ZFHX4: variants seen among roughly 807,000 people sequenced by gnomAD.
ZFHX4 encodes the protein zinc finger homeobox protein 4.
ZFHX4 carries 56 observed loss-of-function variants against 267.6 expected under a neutral mutation model. The observed-to-expected ratio is 0.21, with a 90% CI of 0.17 to 0.26. The LOEUF (loss-of-function observed/expected upper bound fraction) is 0.26. Among genes scored for constraint, ZFHX4 ranks in the 10% least tolerant of loss-of-function variants. ZFHX4 has a pLI of 1.00. For missense variants in ZFHX4, 4,332 were observed against 4,420.0 expected, an observed-to-expected ratio of 0.98 and a Z score of 0.56; for synonymous variants, 1,778 against 1,665.6, an observed-to-expected ratio of 1.07 and a Z score of -1.64.
At chr8:76,831,824 G>A (rs970056592) in intron 4 of ZFHX4, among the ~76,000 whole-genome samples, 4 of 152,200 alleles carry the variant, frequency 2.6e-5, no homozygotes, top group African/African-American at 9.6e-5. Context: ...AAAGAACCAC[G>A]TTAATCAAGG....
At position 76,852,006 on chromosome 8, in the gene ZFHX4, G is replaced by T. The variant is rs1024357788; in HGVS notation, c.5085G>T (p.Gln1695His). The change falls in exon 10 of 11, where the codon CAG becomes CAT. Residue 1695 changes from glutamine to histidine, a missense_variant. Physicochemically the swap from Gln to His is conservative, Grantham distance 24. Coordinates refer to ENST00000651372, the MANE Select transcript of ZFHX4 (RefSeq NM_024721.5). ...HHPPQSPAQI[Q>H]MQLQHELQQQ... ...CACCACAGTCACCAGCACAAATTCA[G>T]ATGCAACTACAGCACGAATTACAAC... 7 of 1,613,822 alleles carry T rather than the reference G, an allele frequency of 4.3e-6. No individual in the cohort carries two copies. The African/African-American group carries it at 9.3e-5, about 22-fold the overall frequency.
chr8:76,708,809 T>C (rs887242287), intron 3 of ZFHX4, among the ~76,000 whole-genome samples: 7 of 151,168 alleles, frequency 4.6e-5, no homozygotes, highest in African/African-American at 1.7e-4. Context: ...GATTAATATA[T>C]TTTCTGCAGT....
chr8:76,824,885 A>C (rs1169142348), intron 4 of ZFHX4, among the ~76,000 whole-genome samples: 1 of 152,120 alleles, frequency 6.6e-6, no homozygotes, highest in Non-Finnish European at 1.5e-5. Context: ...GATTTTTGTA[A>C]AACGCCAAGC....
intron 1 of ZFHX4, among the ~76,000 whole-genome samples, chr8:76,688,736 T>C (rs1234486108): frequency 6.6e-6 from 1 of 152,130 alleles, no homozygotes; most frequent in Non-Finnish European, 1.5e-5. Flanking sequence ...GTGCAGATAA[T>C]TATTTATATG....
intron 4 of ZFHX4, among the ~76,000 whole-genome samples, chr8:76,811,970 A>G (rs1811390196): frequency 6.6e-6 from 1 of 152,230 alleles, no homozygotes; most frequent in African/African-American, 2.4e-5. Flanking sequence ...TTCCTTGTAG[A>G]TTATAAGAAA....
At position 76,681,348 on chromosome 8, in the gene ZFHX4, T is replaced by A; in HGVS notation, c.-319T>A. 2.5e-6 allele frequency: 1 copy of A among 398,912 alleles called. No homozygotes were observed. Among genetic ancestry groups the A allele is most frequent in the East Asian group, 3.6e-5 (1 of 28,054 alleles). The allele number at this position is 398,912 out of a possible 1,614,324, so 24.7% of individuals were successfully genotyped here. ...AGACATATCGGATTTTCATTTCCTT[T>A]CCTCCTTTTCCCAACCCCTTCACAA... is the stretch of plus-strand genomic sequence containing the variant. On this transcript the variant is annotated 5_prime_UTR_variant, in exon 1 of 11. Transcript: ENST00000651372.
At chr8:76,821,414 C>CA (rs1811645034) in intron 4 of ZFHX4, among the ~76,000 whole-genome samples, 1 of 152,162 alleles carries the variant, frequency 6.6e-6, no homozygotes, top group African/African-American at 2.4e-5. Context: ...AAAGAAGCTC[C>CA]AATCAGGGAC....
chr8:76,780,015 G>T (rs2131777118), intron 4 of ZFHX4, among the ~76,000 whole-genome samples: 1 of 151,110 alleles, frequency 6.6e-6, no homozygotes, highest in Non-Finnish European at 1.5e-5. Flanking sequence ...TAAGCAAAAA[G>T]ATATGTTCAA....
At chr8:76,835,593 G>A (rs938550705) in intron 5 of ZFHX4, among the ~76,000 whole-genome samples, 9 of 151,750 alleles carry the variant, frequency 5.9e-5, no homozygotes, top group African/African-American at 9.7e-5. Flanking sequence ...TTAAGTTTAC[G>A]TTTACCTATG....
Position 76,852,122 on chromosome 8 carries a change from A to G in ZFHX4, c.5201A>G (p.Gln1734Arg), listed in dbSNP as rs1586010975. The change falls in exon 10 of 11, where the codon CAG (glutamine) becomes CGG (arginine). Residue 1734 changes from glutamine to arginine, a missense_variant. By Grantham distance (43) the Gln-to-Arg change is conservative. Coordinates refer to ENST00000651372, the MANE Select transcript of ZFHX4 (RefSeq NM_024721.5). ...MTPEALLQFQ[Q>R]PQFLFPFYIP... ...CCAGAAGCACTGCTGCAGTTTCAGC[A>G]GCCTCAGTTTCTCTTTCCATTTTAT... 1 of 1,613,942 alleles carries G rather than the reference A, an allele frequency of 6.2e-7. No individual in the cohort carries two copies. Among genetic ancestry groups the G allele is most frequent in the Non-Finnish European group, 8.5e-7 (1 of 1,179,874 alleles).
chr8:76,832,412 A>G (rs1163865386), intron 4 of ZFHX4, among the ~76,000 whole-genome samples: 1 of 152,160 alleles, frequency 6.6e-6, no homozygotes, highest in Non-Finnish European at 1.5e-5. Context: ...TAATTCACCC[A>G]TACCTAGAAG....
At chr8:76,822,845 A>G (rs1811689591) in intron 4 of ZFHX4, among the ~76,000 whole-genome samples, 2 of 152,036 alleles carry the variant, frequency 1.3e-5, no homozygotes, top group South Asian at 2.1e-4. Context: ...TCCGTACTCT[A>G]TATATTCTAA....
chr8:76,832,302 A>T (rs1460086386), intron 4 of ZFHX4, among the ~76,000 whole-genome samples: 1 of 152,096 alleles, frequency 6.6e-6, no homozygotes, highest in Non-Finnish European at 1.5e-5. Flanking sequence ...AGACTATATC[A>T]TGTTACACCT....
intron 3 of ZFHX4, among the ~76,000 whole-genome samples, chr8:76,738,920 G>T (rs894602077): frequency 2.6e-5 from 4 of 151,978 alleles, no homozygotes; most frequent in Admixed American, 1.3e-4. Context: ...TTACCATGTT[G>T]CCCAGGCTGG....
chr8:76,685,119 G>A (rs1807658854), intron 1 of ZFHX4, among the ~76,000 whole-genome samples: 1 of 152,116 alleles, frequency 6.6e-6, no homozygotes. Flanking sequence ...GATTGCATTG[G>A]TAGGCTGAAG....
In ZFHX4 at chr8:76,704,264, A is replaced by C. The variant is rs1434965134; in HGVS notation, c.176A>C (p.Glu59Ala). 3.7e-6 allele frequency: 6 copies of C among 1,613,870 alleles called. No homozygotes were observed. The highest frequency in any genetic ancestry group is 4.2e-6 in the Non-Finnish European group (5 of 1,179,884). Reference protein sequence around the residue: ...DNLKTDERKSEALLGFSVENA... With the variant: ...DNLKTDERKSAALLGFSVENA... Reference sequence around the variant, plus strand: ...CTGAAAACGGATGAGCGCAAAAGTGAAGCCTTGCTGGGTTTCAGCGTTGAG... The same window carrying C: ...CTGAAAACGGATGAGCGCAAAAGTGCAGCCTTGCTGGGTTTCAGCGTTGAG... The change falls in exon 2 of 11, where the codon GAA becomes GCA. Residue 59 changes from glutamate to alanine, a missense_variant. By Grantham distance (107) the Glu-to-Ala change is moderately radical. Around this residue, in one of 7 missense-constraint regions of ZFHX4, gnomAD observed 1,195 missense variants for 1,173.6 expected, o/e 1.02. Coordinates refer to ENST00000651372, the MANE Select transcript of ZFHX4 (RefSeq NM_024721.5).
intron 3 of ZFHX4, among the ~76,000 whole-genome samples, chr8:76,735,166 C>A (rs553575505): frequency 6.6e-6 from 1 of 152,088 alleles, no homozygotes; most frequent in South Asian, 2.1e-4. Flanking sequence ...GCTATTCTGC[C>A]ATTCCATTAT....
Position 76,864,562 on chromosome 8 carries a change from G to A in ZFHX4, c.10848G>A (p.Val3616=), listed in dbSNP as rs1404409315. ...FNSIRMDMFS[V] ...GCATCCGAATGGATATGTTCAGTGT[G>A]TAGGAGTGAAGACAGGATCCCGTGC... Residue 3616 remains valine, a synonymous_variant, in exon 11 of 11, where the codon GTG becomes GTA. Transcript: ENST00000651372. The A allele has an allele frequency of 1.3e-6, 2 of 1,550,956 alleles. No individual in the cohort carries two copies. The highest frequency in any genetic ancestry group is 1.2e-5 in the South Asian group (1 of 81,116).
chr8:76,862,983 CT>C (rs1812910354), intron 10 of ZFHX4, 110 bp from the exon 11 acceptor site: 2 of 1,399,184 alleles, frequency 1.4e-6, no homozygotes, highest in Non-Finnish European at 1.9e-6. Context: ...TGTAATACAT[CT>C]TTTCTGATAT....
Sources: allele counts gnomAD v4.1 joint callset (sites outside exome capture counted in the v4.1 genomes callset), GRCh38; gene constraint gnomAD v4.1.1; regional missense constraint gnomAD v4.1.1; transcripts MANE v1.5; gene names NCBI Gene and HGNC (gene_info 2026-07-23, HGNC 2026-07-21).